The following C1orf21 variants were observed in gnomAD, a reference collection of about 807,000 sequenced individuals.
The protein encoded by C1orf21 is chromosome 1 open reading frame 21.
In C1orf21, 3 loss-of-function variants were observed where a neutral mutation model predicts 18.7. That is an observed-to-expected ratio of 0.16 (90% CI 0.07 to 0.42). C1orf21 has a LOEUF of 0.42. Ranked by LOEUF, C1orf21 falls within the 10% of genes least tolerant of loss-of-function variation. The pLI is 0.99. For missense variants in C1orf21, 104 were observed against 143.6 expected (o/e 0.72, Z 1.41); for synonymous variants, 41 against 46.4 (o/e 0.88, Z 0.47).
intron 3 of C1orf21, among the ~76,000 whole-genome samples, chr1:184,547,186 G>A (rs1658739459): frequency 6.6e-6 from 1 of 152,200 alleles, no homozygotes. Context: ...AGCCGGAGCA[G>A]CCAGAAGAGG....
At chr1:184,397,044 C>T (rs945560753) in intron 1 of C1orf21, among the ~76,000 whole-genome samples, 2 of 152,084 alleles carry the variant, frequency 1.3e-5, no homozygotes, top group African/African-American at 2.4e-5. Flanking sequence ...TAGAAGAAAA[C>T]TAAACAGTGA....
Position 184,626,388 on chromosome 1 carries a change from C to T in C1orf21, c.*6832C>T, listed in dbSNP as rs1476728574. The T allele has an allele frequency of 1.3e-5, 2 of 152,364 alleles. No homozygotes were observed. The highest frequency in any genetic ancestry group is 6.5e-5 in the Admixed American group (1 of 15,300). 9.4% of individuals were successfully genotyped at this position (152,364 alleles called of 1,614,324 possible). On this transcript the variant is annotated 3_prime_UTR_variant, in exon 6 of 6. Coordinates refer to ENST00000235307, the MANE Select transcript of C1orf21 (RefSeq NM_030806.4). ...GGACTTTCAGGCTGAGAGGATAGCACAGGACTCAGCCCAAAGGAGGGCCAG... is the reference window on the plus strand; with the variant it reads ...GGACTTTCAGGCTGAGAGGATAGCATAGGACTCAGCCCAAAGGAGGGCCAG...
At chr1:184,447,015 AAATT>A (rs1338525557) in intron 1 of C1orf21, among the ~76,000 whole-genome samples, 1 of 152,172 alleles carries the variant, frequency 6.6e-6, no homozygotes, top group Non-Finnish European at 1.5e-5. Flanking sequence ...CAACAACAAC[AAATT>A]AATTATCTGT....
rs190957725 is a variant in C1orf21 at position 184,463,510 on chromosome 1, G to A, written c.-124-13876G>A. Among the ~76,000 whole-genome samples the A allele has an allele frequency of 1.6e-3, 247 of 152,052 alleles. 2 individuals are homozygous for A. The highest frequency in any genetic ancestry group is 6.8e-3 in the Middle Eastern group (2 of 294). ...AGCTTTTATTTTTTTACTAATTTCC[G>A]TAGGTTTCTCATCTTACACACTTTT... is the stretch of plus-strand genomic sequence containing the variant. On this transcript the variant is annotated intron_variant, in intron 1 of 5. Coordinates refer to ENST00000235307, the MANE Select transcript of C1orf21 (RefSeq NM_030806.4).
At chr1:184,388,811 G>A (rs897791822) in intron 1 of C1orf21, among the ~76,000 whole-genome samples, 7 of 152,034 alleles carry the variant, frequency 4.6e-5, no homozygotes, top group African/African-American at 9.7e-5. Context: ...AGGTGGAGTG[G>A]GCCTGAGCTA....
In C1orf21 at chr1:184,550,460, T is replaced by A. The variant is rs1431636366; in HGVS notation, c.190-40279T>A. On this transcript the variant is annotated intron_variant, in intron 3 of 5. Coordinates refer to ENST00000235307, the MANE Select transcript of C1orf21 (RefSeq NM_030806.4). ...GGCTGCAAGACAGGAGTTACAGCAG[T>A]AGACCTGGCTGTCGTGAAGTGATTT... 2.6e-5 allele frequency among the ~76,000 whole-genome samples: 4 copies of A among 152,350 alleles called. No homozygotes were observed. In the East Asian group the frequency reaches 7.7e-4, roughly 29 times the overall value.
intron 1 of C1orf21, among the ~76,000 whole-genome samples, chr1:184,439,222 C>A (rs1201489722): frequency 1.3e-5 from 2 of 151,878 alleles, no homozygotes; most frequent in Admixed American, 6.6e-5. Flanking sequence ...AAGAAAAAAA[C>A]CAAAACCAAA....
At chr1:184,464,232 C>T (rs969653784) in intron 1 of C1orf21, among the ~76,000 whole-genome samples, 1 of 152,128 alleles carries the variant, frequency 6.6e-6, no homozygotes, top group African/African-American at 2.4e-5. Flanking sequence ...CCACAGGGGA[C>T]AAGAAACATA....
chr1:184,614,003 T>C (rs1447457382), intron 5 of C1orf21, among the ~76,000 whole-genome samples: 1 of 152,016 alleles, frequency 6.6e-6, no homozygotes, highest in African/African-American at 2.4e-5. Context: ...CAAGACTCTC[T>C]CTGAAGAAAT....
intron 1 of C1orf21, among the ~76,000 whole-genome samples, chr1:184,406,832 T>G (rs897864440): frequency 1.3e-5 from 2 of 152,138 alleles, no homozygotes; most frequent in Admixed American, 6.5e-5. Context: ...TCTTGCCCTG[T>G]CACCCAGGCT....
At chr1:184,467,678 C>G (rs527898278) in intron 1 of C1orf21, among the ~76,000 whole-genome samples, 3 of 152,316 alleles carry the variant, frequency 2.0e-5, no homozygotes, top group African/African-American at 7.2e-5. Flanking sequence ...TCTCTTCTTT[C>G]TAGTGTCTCT....
At chr1:184,505,309 A>ATATATG (rs1455032962) in intron 2 of C1orf21, among the ~76,000 whole-genome samples, 16 of 118,610 alleles carry the variant, frequency 1.3e-4, no homozygotes, top group Non-Finnish European at 2.5e-4. Context: ...ATAAAGAAAT[A>ATATATG]TATATATATA....
chr1:184,605,266 G>T (rs528404298), intron 5 of C1orf21, among the ~76,000 whole-genome samples: 5 of 152,136 alleles, frequency 3.3e-5, no homozygotes, highest in Non-Finnish European at 7.3e-5. Context: ...CAGAGAACAC[G>T]CAGGGAGAGA....
intron 3 of C1orf21, among the ~76,000 whole-genome samples, chr1:184,584,058 A>G (rs991472925): frequency 1.3e-5 from 2 of 149,656 alleles, no homozygotes; most frequent in African/African-American, 5.0e-5. Flanking sequence ...GTAGTGAACC[A>G]CGTGTCTCAC....
intron 2 of C1orf21, 120 bp downstream of exon 2, chr1:184,477,723 A>G: frequency 1.4e-6 from 1 of 739,990 alleles, no homozygotes; most frequent in South Asian, 1.9e-5. Context: ...ACATGCCTAG[A>G]ATGTGTAACG....
intron 1 of C1orf21, among the ~76,000 whole-genome samples, chr1:184,393,551 G>C (rs1385941755): frequency 1.3e-5 from 2 of 152,174 alleles, no homozygotes; most frequent in Non-Finnish European, 2.9e-5. Context: ...TTTCATTTTT[G>C]ATTCTAGTAT....
At chr1:184,574,187 G>C (rs1353772247) in intron 3 of C1orf21, among the ~76,000 whole-genome samples, 1 of 152,056 alleles carries the variant, frequency 6.6e-6, no homozygotes, top group South Asian at 2.1e-4. Context: ...CATGGGTAAC[G>C]GAGAAAGACT....
chr1:184,612,870 A>G (rs1313812207), intron 5 of C1orf21, among the ~76,000 whole-genome samples: 3 of 152,210 alleles, frequency 2.0e-5, no homozygotes, highest in South Asian at 4.1e-4. Flanking sequence ...AACTTTTATT[A>G]TAGTATATTA....
intron 2 of C1orf21, among the ~76,000 whole-genome samples, chr1:184,493,252 A>G (rs1031403262): frequency 6.6e-6 from 1 of 152,242 alleles, no homozygotes; most frequent in African/African-American, 2.4e-5. Flanking sequence ...GCCGTGAGGA[A>G]TACAATGTTT....
Sources: gnomAD v4.1 joint callset for allele counts (sites outside exome capture counted in the v4.1 genomes callset) on GRCh38, gnomAD v4.1.1 for gene constraint, MANE v1.5 for transcripts, NCBI Gene and HGNC (gene_info 2026-07-23, HGNC 2026-07-21) for gene names.